The following CSPP1 variants were observed in gnomAD, a reference collection of about 807,000 sequenced individuals.
CSPP1 encodes the protein centrosome and spindle pole-associated protein 1.
CSPP1 carries 126 observed loss-of-function variants against 164.4 expected under a neutral mutation model. The ratio of observed to expected loss-of-function variants is 0.77; its 90% confidence interval spans 0.66 to 0.89. The LOEUF (loss-of-function observed/expected upper bound fraction) is 0.89. CSPP1 is among the 40% of genes least tolerant of loss of function. CSPP1 has a pLI of 0.00. For synonymous variants in CSPP1, 472 were observed against 476.7 expected (o/e 0.99, Z 0.13); for missense variants, 1,395 against 1,449.8 (o/e 0.96, Z 0.61).
At chr8:67,192,845 C>T (rs1377658157) in intron 29 of CSPP1, among the ~76,000 whole-genome samples, 1 of 152,198 alleles carries the variant, frequency 6.6e-6, no homozygotes, top group East Asian at 1.9e-4. Flanking sequence ...TTCCATTGAT[C>T]TACATGTCTT....
chr8:67,118,650 T>C, intron 14 of CSPP1, 93 bp from the exon 15 acceptor site: 1 of 900,086 alleles, frequency 1.1e-6, no homozygotes, highest in South Asian at 1.7e-5. Context: ...ATGTAACATT[T>C]TGATTATGCA....
intron 24 of CSPP1, among the ~76,000 whole-genome samples, chr8:67,167,991 T>C (rs13249129): frequency 2.6e-5 from 4 of 152,090 alleles, no homozygotes; most frequent in Non-Finnish European, 2.9e-5. Context: ...CGCCACTGCA[T>C]TCCAGCCTGG....
In CSPP1 at chr8:67,140,026, T is replaced by G. The variant is rs557347671; in HGVS notation, c.1975+2423T>G. 2.6e-5 allele frequency among the ~76,000 whole-genome samples: 4 copies of G among 152,292 alleles called. No homozygotes were observed. The East Asian group carries it at 7.7e-4, about 29-fold the overall frequency. On this transcript the variant is annotated intron_variant, in intron 17 of 30. Transcript: ENST00000678616. ...GAATTCTTATGTATTATGCCTTTGC[T>G]TGTTAAATATTGGTTTTTTTGAAGA...
intron 5 of CSPP1, among the ~76,000 whole-genome samples, chr8:67,092,541 G>A (rs959159590): frequency 1.3e-5 from 2 of 152,084 alleles, no homozygotes; most frequent in African/African-American, 2.4e-5. Context: ...CAGTTCAAGC[G>A]ATTCTCCTGC....
chr8:67,146,618 CTG>C (rs1352599642), intron 17 of CSPP1, among the ~76,000 whole-genome samples: 2 of 152,150 alleles, frequency 1.3e-5, no homozygotes, highest in Non-Finnish European at 2.9e-5. Flanking sequence ...AAAAGAGTTT[CTG>C]TGTCAGCCAT....
At chr8:67,086,841 A>G in intron 4 of CSPP1, 1 of 1,361,212 alleles carries the variant, frequency 7.3e-7, no homozygotes, top group South Asian at 1.1e-5. Flanking sequence ...ACAAGGGAAA[A>G]GAAAGGTAGG....
At chr8:67,110,903 TAA>T (rs1468257731) in intron 9 of CSPP1, among the ~76,000 whole-genome samples, 1 of 152,322 alleles carries the variant, frequency 6.6e-6, no homozygotes, top group East Asian at 1.9e-4. Context: ...ACTGTGAGGT[TAA>T]GTCTTGTGCT....
At chr8:67,191,757 G>A (rs1240635400) in intron 29 of CSPP1, among the ~76,000 whole-genome samples, 1 of 152,020 alleles carries the variant, frequency 6.6e-6, no homozygotes, top group Non-Finnish European at 1.5e-5. Context: ...TATTACTCTC[G>A]AATATATATA....
chr8:67,181,510 T>C (rs1424899352), intron 28 of CSPP1, among the ~76,000 whole-genome samples: 1 of 152,054 alleles, frequency 6.6e-6, no homozygotes, highest in Non-Finnish European at 1.5e-5. Flanking sequence ...AGATGGTGTG[T>C]TGGAGTATTG....
At chr8:67,085,889 T>G in intron 3 of CSPP1, 118 bp from the exon 4 acceptor site, 1 of 626,408 alleles carries the variant, frequency 1.6e-6, no homozygotes, top group East Asian at 2.7e-5. Context: ...AAACTTACCC[T>G]AATCCTACTC....
chr8:67,113,664 G>A, intron 10 of CSPP1, 141 bp from the exon 11 acceptor site: 1 of 489,456 alleles, frequency 2.0e-6, no homozygotes, highest in Non-Finnish European at 3.6e-6. Context: ...TATTATTTAA[G>A]GCTGTAATGT....
chr8:67,194,879 G>GAAGT (rs1837492568), intron 30 of CSPP1, among the ~76,000 whole-genome samples: 1 of 152,100 alleles, frequency 6.6e-6, no homozygotes, highest in Non-Finnish European at 1.5e-5. Context: ...TTTAAGAATG[G>GAAGT]AAGTAATCTC....
At chr8:67,081,068 G>A (rs1167198848) in intron 3 of CSPP1, 6 of 152,194 alleles carry the variant, frequency 3.9e-5, no homozygotes, top group African/African-American at 1.4e-4. Context: ...ACCAGCTCCC[G>A]TTTTTGTCTT....
intron 7 of CSPP1, among the ~76,000 whole-genome samples, chr8:67,096,735 C>T (rs543275424): frequency 2.0e-5 from 3 of 151,184 alleles, no homozygotes; most frequent in Admixed American, 6.6e-5. Context: ...CGTGGTGGGA[C>T]GTGCCTGTAA....
intron 6 of CSPP1, 64 bp from the exon 7 acceptor site, chr8:67,095,229 A>C: frequency 1.0e-6 from 1 of 984,138 alleles, no homozygotes; most frequent in Non-Finnish European, 1.5e-6. Flanking sequence ...TTGAGGGTTT[A>C]ATTACCTTAT....
rs184012259 is a variant in CSPP1, at chr8:67,113,969, T to G, written c.1245+107T>G. ...TTGGGAGAAAAAGAGAGTAGACCAA[T>G]TTGAACAGTAATAAAATTAACTAAA... is the stretch of plus-strand genomic sequence containing the variant. On this transcript the variant is annotated intron_variant, in intron 11 of 30. Coordinates refer to ENST00000678616, the MANE Select transcript of CSPP1 (RefSeq NM_001382391.1). 66 of 626,068 alleles carry G rather than the reference T, an allele frequency of 1.1e-4. No homozygotes were observed. The South Asian group carries it at 1.1e-3, about 11-fold the overall frequency. The allele number at this position is 626,068 out of a possible 1,614,324, so 38.8% of individuals were successfully genotyped here. A position where few individuals can be genotyped will look rare whatever the true frequency, so the allele number is the denominator to read the frequency against.
At chr8:67,159,953 CCTTCTTTCT>C (rs1239325382) in intron 21 of CSPP1, among the ~76,000 whole-genome samples, 4 of 29,150 alleles carry the variant, frequency 1.4e-4, no homozygotes, top group Non-Finnish European at 2.6e-4. Context: ...TTCCTTCCTT[CCTTCTTTCT>C]TTTCTTTTCT....
intron 17 of CSPP1, among the ~76,000 whole-genome samples, chr8:67,141,754 A>AAC (rs1823555933): frequency 6.6e-6 from 1 of 152,168 alleles, no homozygotes; most frequent in African/African-American, 2.4e-5. Context: ...ACCTGAGGTG[A>AAC]TCCATCCACC....
Position 67,159,931 on chromosome 8 carries a change from TTCC to T in CSPP1, c.2538+796_2538+798del, listed in dbSNP as rs746199350. Among the ~76,000 whole-genome samples the T allele has an allele frequency of 7.3e-4, 40 of 54,868 alleles. 2 individuals are homozygous for T. Among genetic ancestry groups the T allele is most frequent in the East Asian group, 1.8e-3 (3 of 1,636 alleles). The allele number at this position is 54,868 out of a possible 152,430, so 36.0% of individuals were successfully genotyped here. On this transcript the variant is annotated intron_variant, in intron 21 of 30. Transcript: ENST00000678616. ...TTCTTTCTTTCTTTCTTTCCTTTCC[TTCC>T]TTCCTTCCTTCCTTCCTTCCTTCTT...
Sources: gnomAD v4.1 joint callset for allele counts (sites outside exome capture counted in the v4.1 genomes callset) on GRCh38, gnomAD v4.1.1 for gene constraint, MANE v1.5 for transcripts, NCBI Gene and HGNC (gene_info 2026-07-23, HGNC 2026-07-21) for gene names.